Variants in SSH1 observed in about 807,000 individuals in gnomAD.
The protein encoded by SSH1 is protein phosphatase Slingshot homolog 1.
In SSH1, 43 loss-of-function variants were observed where a neutral mutation model predicts 79.7. The observed-to-expected ratio is 0.54, with a 90% CI of 0.42 to 0.70. The LOEUF (loss-of-function observed/expected upper bound fraction) is 0.70. Ranked by LOEUF, SSH1 falls within the 30% of genes least tolerant of loss-of-function variation. The pLI is 0.00. For missense variants in SSH1, 1,206 were observed against 1,358.8 expected (o/e 0.89, Z 1.77); for synonymous variants, 599 against 538.3 (o/e 1.11, Z -1.56).
Position 108,811,298 on chromosome 12 carries a change from T to C in SSH1, c.432A>G (p.Arg144=), listed in dbSNP as rs965398168. The C allele has an allele frequency of 2.0e-5, 32 of 1,614,098 alleles. No individual in the cohort carries two copies. The highest frequency in any genetic ancestry group is 2.5e-5 in the Non-Finnish European group (30 of 1,180,038). The change falls in exon 6 of 15, where the codon CGA becomes CGG. Residue 144 remains arginine, a synonymous_variant. Transcript: ENST00000326495. ...GGTGGATTTTCGTGTCGCTCCACAG[T>C]CGGAGAACCATCCCAATGGTGCAGC... ...SKSCTIGMVL[R]LWSDTKIHLD... is the part of the protein sequence containing the mutation.
At chr12:108,837,037 C>G (rs1197824076) in intron 2 of SSH1, 1 of 463,642 alleles carries the variant, frequency 2.2e-6, no homozygotes, top group Non-Finnish European at 4.4e-6. Context: ...TCGAGACCAG[C>G]CTGGCCAACA....
At chr12:108,791,698 G>A (rs12317443) in intron 14 of SSH1, among the ~76,000 whole-genome samples, 9,663 of 152,220 alleles carry the variant, frequency 0.063, 1,058 homozygotes, top group African/African-American at 0.22. Flanking sequence ...GGTCAAGGCT[G>A]CAGTGAACCG....
intron 3 of SSH1, 32 bp downstream of exon 3, chr12:108,823,226 C>A: frequency 6.5e-7 from 1 of 1,530,042 alleles, no homozygotes; most frequent in Non-Finnish European, 8.9e-7. Context: ...AAAAGAAGCT[C>A]CAATGTAAGA....
At chr12:108,839,205 C>T (rs1431986996) in intron 2 of SSH1, among the ~76,000 whole-genome samples, 1 of 152,222 alleles carries the variant, frequency 6.6e-6, no homozygotes, top group Non-Finnish European at 1.5e-5. Context: ...ACCTCCATTA[C>T]CATATTGTTT....
intron 2 of SSH1, among the ~76,000 whole-genome samples, chr12:108,847,923 A>T (rs1028561138): frequency 6.6e-6 from 1 of 152,182 alleles, no homozygotes; most frequent in Non-Finnish European, 1.5e-5. Flanking sequence ...CTCTGAAGAG[A>T]GGGAAATCAC....
intron 13 of SSH1, among the ~76,000 whole-genome samples, chr12:108,797,609 C>T (rs1040741079): frequency 1.6e-4 from 25 of 152,302 alleles, no homozygotes; most frequent in Admixed American, 3.9e-4. Flanking sequence ...AGCAGTTGGA[C>T]GTCAGGAAGA....
At position 108,787,011 on chromosome 12, in the gene SSH1, C is replaced by T. The variant is rs4964757; in HGVS notation, c.*977G>A. 0.28 allele frequency: 42,205 copies of T among 152,088 alleles called. 6,231 individuals carry two copies. Among genetic ancestry groups the T allele is most frequent in the South Asian group, 0.42 (2,027 of 4,820 alleles). 9.4% of individuals were successfully genotyped at this position (152,088 alleles called of 1,614,324 possible). On this transcript the variant is annotated 3_prime_UTR_variant, in exon 15 of 15. Transcript: ENST00000326495. ...CATCCGGGAAGCATCCCGACAGTCCCGTTCCTTTCGGGGAAGCCGCTGAAA... is the reference window on the plus strand; with the variant it reads ...CATCCGGGAAGCATCCCGACAGTCCTGTTCCTTTCGGGGAAGCCGCTGAAA...
intron 2 of SSH1, among the ~76,000 whole-genome samples, chr12:108,829,561 G>C (rs578245154): frequency 2.0e-5 from 3 of 152,178 alleles, no homozygotes; most frequent in Non-Finnish European, 4.4e-5. Flanking sequence ...TCCTCTTTAA[G>C]GAATGGGTAT....
rs550737096 is a variant in SSH1 at position 108,807,958 on chromosome 12, CAG to C, written c.537-133_537-132del. ...ATTGGTTGATTATTTCTTTTTGGGA[CAG>C]AGTCTCGCTCTGTCACTCCCAGGCT... On this transcript the variant is annotated intron_variant, in intron 7 of 14. Transcript: ENST00000326495. This position sits in a 1 kb window ranked among gnomAD's most constrained non-coding sequence, Gnocchi z 5.2. 148 of 836,590 alleles carry C rather than the reference CAG, an allele frequency of 1.8e-4. No homozygotes were observed. In the East Asian group the frequency reaches 1.8e-3, roughly 10 times the overall value. 51.8% of individuals were successfully genotyped at this position (836,590 alleles called of 1,614,324 possible).
At chr12:108,828,530 C>T (rs1385440207) in intron 2 of SSH1, among the ~76,000 whole-genome samples, 4 of 152,202 alleles carry the variant, frequency 2.6e-5, no homozygotes, top group Non-Finnish European at 5.9e-5. Flanking sequence ...GAATGTGGAT[C>T]ACATCTTCCG....
At position 108,807,875 on chromosome 12, in the gene SSH1, G is replaced by A; in HGVS notation, c.537-48C>T. On this transcript the variant is annotated intron_variant, in intron 7 of 14. Coordinates refer to ENST00000326495, the MANE Select transcript of SSH1 (RefSeq NM_018984.4). The surrounding 1 kb of genome is among the most constrained non-coding windows in gnomAD (Gnocchi z 5.2). ...TCAGGCCTGGGAAGGCACAAGAGAT[G>A]CAGGGTTTTCTCCTCTGACAAAGGG... 6.3e-7 allele frequency: 1 copy of A among 1,575,326 alleles called. No homozygotes were observed. The highest frequency in any genetic ancestry group is 8.7e-7 in the Non-Finnish European group (1 of 1,147,430).
rs139173787 is a variant in SSH1 at position 108,808,152 on chromosome 12, G to C, written c.537-325C>G. Reference sequence around the variant, plus strand: ...AGGGTTTCACAATGTTGGACAGGCTGGTCTTGAATTCCTAGCCTCAAGTGA... The same window carrying C: ...AGGGTTTCACAATGTTGGACAGGCTCGTCTTGAATTCCTAGCCTCAAGTGA... On this transcript the variant is annotated intron_variant, in intron 7 of 14. Transcript: ENST00000326495. Among the ~76,000 whole-genome samples, 1,273 of 152,304 alleles carry C rather than the reference G, an allele frequency of 8.4e-3. 22 individuals carry two copies. The highest frequency in any genetic ancestry group is 0.03 in the African/African-American group (1,228 of 41,568).
At chr12:108,808,885 G>C (rs1388290065) in intron 7 of SSH1, among the ~76,000 whole-genome samples, 1 of 140,252 alleles carries the variant, frequency 7.1e-6, no homozygotes, top group Admixed American at 7.4e-5. Flanking sequence ...CCGGGCTGGA[G>C]TGCAGGGGCG....
At chr12:108,839,392 G>A (rs1388909477) in intron 2 of SSH1, among the ~76,000 whole-genome samples, 3 of 152,204 alleles carry the variant, frequency 2.0e-5, no homozygotes, top group East Asian at 1.9e-4. Context: ...CAGACACAGC[G>A]TGGCACGGGT....
chr12:108,827,557 T>C (rs895361238), intron 2 of SSH1: 34 of 1,277,618 alleles, frequency 2.7e-5, no homozygotes, highest in Non-Finnish European at 3.1e-5. Flanking sequence ...AAAAAGGCCC[T>C]TGTCCCAGCA....
At chr12:108,809,642 C>T (rs756765470) in intron 7 of SSH1, 51 bp downstream of exon 7, 17 of 1,509,982 alleles carry the variant, frequency 1.1e-5, no homozygotes, top group South Asian at 9.0e-5. Context: ...TTCATGCTGT[C>T]GGCTAAGAAA....
Position 108,836,010 on chromosome 12 carries a change from TA to T in SSH1, c.111-12650del, listed in dbSNP as rs1423097219. Among the ~76,000 whole-genome samples the T allele has an allele frequency of 2.7e-5, 4 of 147,464 alleles. No individual in the cohort carries two copies. The South Asian group carries it at 8.6e-4, about 32-fold the overall frequency. On this transcript the variant is annotated intron_variant, in intron 2 of 14. Transcript: ENST00000326495. ...ATAACTATATTAATATAATCGATTA[TA>T]ACTATATTAATATAATCGATTATAT... is the stretch of plus-strand genomic sequence containing the variant.
chr12:108,798,357 G>C (rs2036840332), intron 13 of SSH1, among the ~76,000 whole-genome samples: 1 of 152,236 alleles, frequency 6.6e-6, no homozygotes, highest in African/African-American at 2.4e-5. Flanking sequence ...TTTTGTTTAA[G>C]AGATGGGGTC....
intron 1 of SSH1, among the ~76,000 whole-genome samples, chr12:108,853,582 G>T (rs1566023278): frequency 6.6e-6 from 1 of 152,054 alleles, no homozygotes; most frequent in African/African-American, 2.4e-5. Context: ...GTAGGGAGGG[G>T]CCTGGGCAGC....
Sources: allele counts gnomAD v4.1 joint callset (sites outside exome capture counted in the v4.1 genomes callset), GRCh38; gene constraint gnomAD v4.1.1; non-coding constraint Gnocchi (gnomAD v3.1); transcripts MANE v1.5; gene names NCBI Gene and HGNC (gene_info 2026-07-23, HGNC 2026-07-21).